THSD7A: variants seen among roughly 807,000 people sequenced by gnomAD.
THSD7A encodes the protein thrombospondin type-1 domain-containing protein 7A.
THSD7A carries 96 observed loss-of-function variants against 231.3 expected under a neutral mutation model. The observed-to-expected ratio is 0.41, with a 90% confidence interval of 0.35 to 0.49. THSD7A has a LOEUF of 0.49. Ranked by LOEUF, THSD7A falls within the 20% of genes least tolerant of loss-of-function variation. The pLI is 0.05. For missense variants in THSD7A, 2,290 were observed against 2,070.2 expected, an observed-to-expected ratio of 1.11 and a Z score of -2.06; for synonymous variants, 940 against 743.3, an observed-to-expected ratio of 1.26 and a Z score of -4.30.
rs186363365 is a variant in THSD7A at position 11,745,989 on chromosome 7, T to C, written c.190+85768A>G. On this transcript the variant is annotated intron_variant, in intron 1 of 27. Transcript: ENST00000423059. ...TTTTTCAATTCTGTGAAGAAAGTCA[T>C]TGGTAGCTTGATGGGGATGGCATTG... Among the ~76,000 whole-genome samples the C allele has an allele frequency of 2.0e-3, 305 of 152,162 alleles. 1 individual carries two copies. Among genetic ancestry groups the C allele is most frequent in the African/African-American group, 7.0e-3 (292 of 41,554 alleles).
chr7:11,753,013 T>C (rs991155670), intron 1 of THSD7A, among the ~76,000 whole-genome samples: 1 of 152,120 alleles, frequency 6.6e-6, no homozygotes, highest in Non-Finnish European at 1.5e-5. Flanking sequence ...TAAATCTGAA[T>C]TTAATTAAAG....
At chr7:11,554,915 C>T (rs952494156) in intron 4 of THSD7A, among the ~76,000 whole-genome samples, 2 of 151,862 alleles carry the variant, frequency 1.3e-5, no homozygotes, top group African/African-American at 4.8e-5. Context: ...TATTCCATGG[C>T]TATCCTTTTG....
intron 11 of THSD7A, among the ~76,000 whole-genome samples, chr7:11,458,783 C>G (rs1785397648): frequency 6.6e-6 from 1 of 152,140 alleles, no homozygotes; most frequent in African/African-American, 2.4e-5. Context: ...TTTGGAAATG[C>G]AAAGGTTGCT....
At chr7:11,610,523 C>A (rs1367559399) in intron 2 of THSD7A, among the ~76,000 whole-genome samples, 2 of 152,092 alleles carry the variant, frequency 1.3e-5, no homozygotes, top group Non-Finnish European at 2.9e-5. Flanking sequence ...AAAGATCCTA[C>A]CCACTACTCA....
Position 11,636,795 on chromosome 7 carries a change from T to G in THSD7A, c.357A>C (p.Lys119Asn). The G allele has an allele frequency of 6.2e-7, 1 of 1,613,984 alleles. No homozygotes were observed. Among genetic ancestry groups the G allele is most frequent in the Non-Finnish European group, 8.5e-7 (1 of 1,179,874 alleles). Residue 119 changes from lysine (K) to asparagine (N), a missense_variant, in exon 2 of 28, where the codon AAA becomes AAC. Coordinates refer to ENST00000423059, the MANE Select transcript of THSD7A (RefSeq NM_015204.3). The surrounding 1 kb of genome is among the most constrained non-coding windows in gnomAD (Gnocchi z 10.0). Reference protein sequence around the residue: ...QNCFKVCDWHKELYDWRLGPW... With the variant: ...QNCFKVCDWHNELYDWRLGPW... ...GTCCCAGTCTCCAGTCGTACAACTCTTTGTGCCAATCGCAAACTTTGAAAC... is the reference window on the plus strand; with the variant it reads ...GTCCCAGTCTCCAGTCGTACAACTCGTTGTGCCAATCGCAAACTTTGAAAC...
At chr7:11,494,372 A>C (rs969284594) in intron 6 of THSD7A, among the ~76,000 whole-genome samples, 1 of 152,052 alleles carries the variant, frequency 6.6e-6, no homozygotes, top group African/African-American at 2.4e-5. Context: ...ATTTCAAAAC[A>C]AAACAAGGAC....
intron 6 of THSD7A, among the ~76,000 whole-genome samples, chr7:11,511,917 A>C (rs1583879754): frequency 6.6e-6 from 1 of 152,226 alleles, no homozygotes; most frequent in South Asian, 2.1e-4. Context: ...TGGCAACAAA[A>C]GCCAAAATTG....
chr7:11,635,515 GAA>G (rs1038296226), intron 2 of THSD7A, among the ~76,000 whole-genome samples: 2 of 152,110 alleles, frequency 1.3e-5, no homozygotes, highest in Non-Finnish European at 1.5e-5. Flanking sequence ...TTTCTGTCTA[GAA>G]AATGAAGCTA....
intron 1 of THSD7A, among the ~76,000 whole-genome samples, chr7:11,804,047 A>G (rs887080899): frequency 3.3e-5 from 5 of 152,146 alleles, no homozygotes; most frequent in Non-Finnish European, 7.4e-5. Context: ...GAAGTAATGG[A>G]TGTTATTAAA....
intron 14 of THSD7A, among the ~76,000 whole-genome samples, chr7:11,426,881 A>C (rs1284744206): frequency 6.6e-6 from 1 of 152,216 alleles, no homozygotes; most frequent in African/African-American, 2.4e-5. Context: ...AAGATACACA[A>C]ATGGGTATTG....
intron 1 of THSD7A, among the ~76,000 whole-genome samples, chr7:11,749,244 T>A (rs569753844): frequency 6.6e-6 from 1 of 152,106 alleles, no homozygotes; most frequent in Admixed American, 6.6e-5. Flanking sequence ...AGTTTCAGTC[T>A]TATGTACAAA....
chr7:11,771,148 T>C (rs1172915788), intron 1 of THSD7A, among the ~76,000 whole-genome samples: 1 of 150,968 alleles, frequency 6.6e-6, no homozygotes, highest in Non-Finnish European at 1.5e-5. Context: ...ATAAAATATG[T>C]TTATGATTTA....
At chr7:11,509,834 A>AAAAAAAAAAAAAAAAAAAAAAAAAT (rs1562669780) in intron 6 of THSD7A, among the ~76,000 whole-genome samples, 7 of 144,738 alleles carry the variant, frequency 4.8e-5, no homozygotes, top group Non-Finnish European at 9.0e-5. Flanking sequence ...AAAAAAAAAA[A>AAAAAAAAAAAAAAAAAAAAAAAAAT]AATAACATCT....
intron 23 of THSD7A, among the ~76,000 whole-genome samples, chr7:11,396,311 G>C (rs1484134482): frequency 6.6e-6 from 1 of 151,930 alleles, no homozygotes; most frequent in African/African-American, 2.4e-5. Context: ...AGGTGATAGA[G>C]ACATGAAACA....
chr7:11,811,287 C>A (rs532766610), intron 1 of THSD7A, among the ~76,000 whole-genome samples: 1 of 152,172 alleles, frequency 6.6e-6, no homozygotes, highest in South Asian at 2.1e-4. Flanking sequence ...AGACCTTCAA[C>A]AAAGAAAGAA....
At chr7:11,682,674 C>A (rs35801534) in intron 1 of THSD7A, among the ~76,000 whole-genome samples, 3 of 151,912 alleles carry the variant, frequency 2.0e-5, no homozygotes, top group Admixed American at 6.6e-5. Context: ...CTTCAACATC[C>A]TATTGACAGC....
At chr7:11,672,318 C>A (rs1247968583) in intron 1 of THSD7A, among the ~76,000 whole-genome samples, 1 of 151,968 alleles carries the variant, frequency 6.6e-6, no homozygotes, top group Admixed American at 6.6e-5. Context: ...TTATTATTTG[C>A]TATCAGAGAA....
At chr7:11,648,586 A>C (rs1449185438) in intron 1 of THSD7A, among the ~76,000 whole-genome samples, 2 of 151,224 alleles carry the variant, frequency 1.3e-5, no homozygotes, top group Non-Finnish European at 2.9e-5. Flanking sequence ...GTTAGTGTCC[A>C]ACATGCAATA....
chr7:11,817,117 C>A lies in THSD7A; in HGVS notation c.190+14640G>T, dbSNP rs199942813. On this transcript the variant is annotated intron_variant, in intron 1 of 27. Coordinates refer to ENST00000423059, the MANE Select transcript of THSD7A (RefSeq NM_015204.3). ...TTCATTTCCTTCAGAAGATTTTGAA[C>A]CACGTATATTGACATGTGAAAGTAG... 1.4e-4 allele frequency among the ~76,000 whole-genome samples: 21 copies of A among 152,214 alleles called. No homozygotes were observed. The East Asian group carries it at 4.1e-3, about 29-fold the overall frequency.
Sources: gnomAD v4.1 joint callset for allele counts (sites outside exome capture counted in the v4.1 genomes callset) on GRCh38, gnomAD v4.1.1 for gene constraint, Gnocchi (gnomAD v3.1) non-coding constraint, MANE v1.5 for transcripts, NCBI Gene and HGNC (gene_info 2026-07-23, HGNC 2026-07-21) for gene names.